IQCE: variants seen among roughly 807,000 people sequenced by gnomAD.
IQCE encodes IQ domain-containing protein E.
Under a neutral mutation model 96.0 loss-of-function variants are expected in IQCE, and 115 were observed. That is an observed-to-expected ratio of 1.20 (90% CI 1.03 to 1.40). The LOEUF is 1.40. Ranked by LOEUF, IQCE falls within the 40% of genes most tolerant of loss-of-function variation. IQCE has a pLI of 0.00. For synonymous variants in IQCE, 412 were observed against 371.2 expected (o/e 1.11, Z -1.26); for missense variants, 1,041 against 909.1 (o/e 1.15, Z -1.87).
chr7:2,583,610 C>A, intron 9 of IQCE, 27 bp from the exon 10 acceptor site: 1 of 1,565,558 alleles, frequency 6.4e-7, no homozygotes, highest in Non-Finnish European at 8.7e-7. Flanking sequence ...TGGCACATCC[C>A]TATTAACGCT....
At chr7:2,599,608 G>A (rs1459014927) in intron 17 of IQCE, among the ~76,000 whole-genome samples, 2 of 147,068 alleles carry the variant, frequency 1.4e-5, no homozygotes, top group East Asian at 4.2e-4. Flanking sequence ...GCAGTCCTCC[G>A]GCCTCAGCCT....
rs546669369 is a variant in IQCE, at chr7:2,569,006, A to G, written c.130+7A>G. On this transcript the variant is annotated splice_region_variant and intron_variant, in intron 3 of 21. Transcript: ENST00000402050. ...CCTCCACCCACATCGCCAAGTAAGT[A>G]TGACGAGGCCTGCCTTCCCTCTCAC... 6.8e-6 allele frequency: 11 copies of G among 1,613,710 alleles called. No individual in the cohort carries two copies. The South Asian group carries it at 1.2e-4, about 18-fold the overall frequency.
At chr7:2,566,995 G>A in intron 1 of IQCE, 121 bp from the exon 2 acceptor site, 1 of 795,574 alleles carries the variant, frequency 1.3e-6, no homozygotes, top group Non-Finnish European at 2.1e-6. Flanking sequence ...TGGCCTCAGA[G>A]CTGGATTTCT....
chr7:2,605,212 G>A (rs2293406), intron 19 of IQCE, among the ~76,000 whole-genome samples: 3 of 152,152 alleles, frequency 2.0e-5, no homozygotes, highest in Non-Finnish European at 1.5e-5. Flanking sequence ...GCCAGATTGC[G>A]TTAAGCTGCC....
rs1562628277 is a variant in IQCE, at chr7:2,572,329, G to GGCAGCCGTTGGTGCC, written c.394+3_394+4insGCAGCCGTTGGTGCC. On this transcript the variant is annotated splice_donor_region_variant and intron_variant, in intron 5 of 21. Transcript: ENST00000402050. ...TCTCAGGCGCTCTGCCAGCAACGGT[G>GGCAGCCGTTGGTGCC]AGCATGCCGATGGTGGCGAGGCTGA... is the stretch of plus-strand genomic sequence containing the variant. 1 of 1,613,358 alleles carries GGCAGCCGTTGGTGCC rather than the reference G, an allele frequency of 6.2e-7. No individual in the cohort carries two copies.
At chr7:2,603,701 T>A (rs1269529711) in intron 18 of IQCE, among the ~76,000 whole-genome samples, 3 of 152,206 alleles carry the variant, frequency 2.0e-5, no homozygotes, top group Non-Finnish European at 4.4e-5. Context: ...GTCACCACAC[T>A]CTGGCGGGTC....
intron 6 of IQCE, among the ~76,000 whole-genome samples, chr7:2,575,918 G>A (rs1782089784): frequency 6.6e-6 from 1 of 152,220 alleles, no homozygotes; most frequent in East Asian, 1.9e-4. Flanking sequence ...TGGAGCGCAG[G>A]TGTTGAGTGG....
At chr7:2,582,967 G>T (rs747516349) in intron 9 of IQCE, among the ~76,000 whole-genome samples, 7 of 152,046 alleles carry the variant, frequency 4.6e-5, no homozygotes, top group Non-Finnish European at 7.4e-5. Flanking sequence ...GTGGCTACTC[G>T]CATTTCTGTA....
intron 1 of IQCE, among the ~76,000 whole-genome samples, chr7:2,563,448 AC>A (rs1781125589): frequency 1.4e-5 from 2 of 144,124 alleles, no homozygotes; most frequent in Non-Finnish European, 3.0e-5. Flanking sequence ...CTGGTTTTGA[AC>A]TCCTGGGCTT....
At chr7:2,595,061 T>G in intron 16 of IQCE, 85 bp downstream of exon 16, 1 of 914,662 alleles carries the variant, frequency 1.1e-6, no homozygotes. Flanking sequence ...TGTCCAGAGT[T>G]TTTTCTGACC....
chr7:2,584,251 A>T lies in IQCE; in HGVS notation c.790A>T (p.Thr264Ser). The T allele has an allele frequency of 1.2e-6, 2 of 1,613,974 alleles. No individual in the cohort carries two copies. Among genetic ancestry groups the T allele is most frequent in the Non-Finnish European group, 1.7e-6 (2 of 1,179,886 alleles). ...TYYEEVHRLQ[T>S]LLASSETTGK... ...GTATTTACAGGTGCATCGTCTCCAG[A>T]CCCTCTTGGCAAGTTCTGAAACCAC... The change falls in exon 11 of 22, where the codon ACC becomes TCC. Residue 264 changes from threonine (T) to serine (S), a missense_variant. Physicochemically the swap from Thr to Ser is moderately conservative, Grantham distance 58. Coordinates refer to ENST00000402050, the MANE Select transcript of IQCE (RefSeq NM_152558.5).
intron 16 of IQCE, 34 bp downstream of exon 16, chr7:2,595,010 G>C (rs1179984627): frequency 2.1e-6 from 3 of 1,450,412 alleles, no homozygotes; most frequent in Admixed American, 3.3e-5. Context: ...CTCCCGTCAG[G>C]TGCGGTGAGA....
At chr7:2,605,816 T>A in intron 19 of IQCE, 60 bp from the exon 20 acceptor site, 1 of 1,453,222 alleles carries the variant, frequency 6.9e-7, no homozygotes, top group South Asian at 1.4e-5. Context: ...GGGGGTTGAG[T>A]GCTGGGAGCC....
intron 16 of IQCE, chr7:2,597,088 G>A (rs572267415): frequency 2.3e-5 from 11 of 471,046 alleles, no homozygotes; most frequent in East Asian, 2.1e-4. Context: ...AGGGTCGTGC[G>A]GAAGACCTGG....
chr7:2,567,224 G>A (rs751231605), intron 2 of IQCE, 61 bp downstream of exon 2: 3 of 1,310,172 alleles, frequency 2.3e-6, no homozygotes, highest in Non-Finnish European at 3.3e-6. Context: ...CTTGCAGACT[G>A]CACTCGGAAG....
intron 4 of IQCE, 94 bp from the exon 5 acceptor site, chr7:2,572,098 A>G: frequency 7.4e-7 from 1 of 1,358,584 alleles, no homozygotes; most frequent in East Asian, 2.3e-5. Flanking sequence ...TCAGTGATTC[A>G]GCTTTCTTCA....
Position 2,612,617 on chromosome 7 carries a change from G to GCAGC in IQCE, c.*2455_*2456insCAGC. 1 of 152,226 alleles carries GCAGC rather than the reference G, an allele frequency of 6.6e-6. No individual in the cohort carries two copies. The highest frequency in any genetic ancestry group is 1.5e-5 in the Non-Finnish European group (1 of 68,224). The allele number at this position is 152,226 out of a possible 1,614,324, so 9.4% of individuals were successfully genotyped here. A position where few individuals can be genotyped will look rare whatever the true frequency, so the allele number is the denominator to read the frequency against. ...CTGTGGGTGGGGCCTAGCCATGGGA[G>GCAGC]AGGTGAGCTGTGAATGGGGCTAGCT... is the stretch of plus-strand genomic sequence containing the variant. On this transcript the variant is annotated 3_prime_UTR_variant, in exon 22 of 22. Transcript: ENST00000402050.
At chr7:2,585,878 C>T (rs1036995523) in intron 11 of IQCE, among the ~76,000 whole-genome samples, 3 of 152,162 alleles carry the variant, frequency 2.0e-5, no homozygotes, top group Non-Finnish European at 2.9e-5. Flanking sequence ...AGGCGAAACC[C>T]GAGCTATCCT....
intron 8 of IQCE, among the ~76,000 whole-genome samples, chr7:2,580,437 C>T (rs1782578194): frequency 6.6e-6 from 1 of 151,954 alleles, no homozygotes; most frequent in East Asian, 1.9e-4. Context: ...TGGTGAAGCC[C>T]CATCTGTACT....
Sources: gnomAD v4.1 joint callset for allele counts (sites outside exome capture counted in the v4.1 genomes callset) on GRCh38, gnomAD v4.1.1 for gene constraint, MANE v1.5 for transcripts, NCBI Gene and HGNC (gene_info 2026-07-23, HGNC 2026-07-21) for gene names.